SORCS1: variants seen among roughly 807,000 people sequenced by gnomAD.
SORCS1 encodes the protein VPS10 domain-containing receptor SorCS1.
Under a neutral mutation model 146.1 loss-of-function variants are expected in SORCS1, and 60 were observed. That is an observed-to-expected ratio of 0.41 (90% CI 0.33 to 0.51). The LOEUF is 0.51. SORCS1 is among the 20% of genes least tolerant of loss of function. The probability of loss-of-function intolerance (pLI) is 0.21; values close to 1 mark genes in which losing one functional copy is unlikely to be tolerated. For synonymous variants in SORCS1, 637 were observed against 584.0 expected (o/e 1.09, Z -1.31); for missense variants, 1,352 against 1,487.6 (o/e 0.91, Z 1.50).
intron 3 of SORCS1, among the ~76,000 whole-genome samples, chr10:106,801,192 T>G (rs1033638304): frequency 7.2e-5 from 11 of 152,130 alleles, no homozygotes; most frequent in Admixed American, 5.9e-4. Flanking sequence ...AATTTTCACA[T>G]ACTATCATAT....
chr10:106,761,989 A>G (rs1030814069), intron 4 of SORCS1, among the ~76,000 whole-genome samples: 2 of 152,242 alleles, frequency 1.3e-5, no homozygotes, highest in Non-Finnish European at 2.9e-5. Context: ...CACTTGACCT[A>G]GCATGTGCTG....
intron 8 of SORCS1, among the ~76,000 whole-genome samples, chr10:106,700,417 C>G (rs1353489498): frequency 6.6e-6 from 1 of 151,824 alleles, no homozygotes; most frequent in Non-Finnish European, 1.5e-5. Context: ...TTCCAAAAAC[C>G]AAAAAAATTA....
At chr10:106,833,798 A>G (rs1948668374) in intron 2 of SORCS1, among the ~76,000 whole-genome samples, 2 of 151,732 alleles carry the variant, frequency 1.3e-5, no homozygotes, top group Admixed American at 1.3e-4. Context: ...TATTATTATT[A>G]TTATTATTAT....
rs567505096 is a variant in SORCS1 at position 106,601,466 on chromosome 10, G to A, written c.3166-4016C>T. Among the ~76,000 whole-genome samples the A allele has an allele frequency of 5.9e-5, 9 of 152,264 alleles. No homozygotes were observed. The East Asian group carries it at 1.7e-3, about 29-fold the overall frequency. On this transcript the variant is annotated intron_variant, in intron 23 of 25. Coordinates refer to ENST00000263054, the MANE Select transcript of SORCS1 (RefSeq NM_052918.5). The stretch of plus-strand genomic sequence containing the variant: ...AAGTGCAACCTACATTTCATTTAAA[G>A]TCCCACTTAAAAGGACAGTGGAGGC...
chr10:107,120,680 A>G (rs1480350255), intron 1 of SORCS1, among the ~76,000 whole-genome samples: 2 of 152,224 alleles, frequency 1.3e-5, no homozygotes, highest in East Asian at 3.8e-4. Context: ...CCATGAAACC[A>G]AAGATGACTA....
chr10:106,699,213 C>A lies in SORCS1; in HGVS notation c.1413+1G>T. On this transcript the variant is annotated splice_donor_variant, in intron 9 of 25. Transcript: ENST00000263054. LOFTEE classifies it high-confidence loss of function. The stretch of plus-strand genomic sequence containing the variant: ...AGGACCACATATGCCTCGTGACATA[C>A]CTCATAGAGGTCGATCATGATGTTG... The A allele has an allele frequency of 6.2e-7, 1 of 1,609,172 alleles. No homozygotes were observed. The highest frequency in any genetic ancestry group is 8.5e-7 in the Non-Finnish European group (1 of 1,177,530).
chr10:106,912,049 C>T (rs1460791269), intron 2 of SORCS1, among the ~76,000 whole-genome samples: 1 of 149,050 alleles, frequency 6.7e-6, no homozygotes, highest in East Asian at 2.0e-4. Flanking sequence ...AGAGGTGGAG[C>T]TTACAGTGAG....
At chr10:107,082,696 C>T (rs886887775) in intron 1 of SORCS1, among the ~76,000 whole-genome samples, 13 of 152,040 alleles carry the variant, frequency 8.6e-5, no homozygotes, top group African/African-American at 2.9e-4. Context: ...TGGCCAGTCT[C>T]GAACTCCTGA....
chr10:106,675,166 TAA>T lies in SORCS1; in HGVS notation c.1833-12_1833-11del, dbSNP rs1851927985. ...TTCATCAAAACTCAACCTAATGATATAAAAAATATCAGTCATCAGATCTCCAA... is the reference window on the plus strand; with the variant it reads ...TTCATCAAAACTCAACCTAATGATATAAAATATCAGTCATCAGATCTCCAA... On this transcript the variant is annotated splice_polypyrimidine_tract_variant and intron_variant, in intron 13 of 25. Transcript: ENST00000263054. The T allele has an allele frequency of 2.5e-6, 4 of 1,594,030 alleles. No homozygotes were observed. The South Asian group carries it at 4.5e-5, about 18-fold the overall frequency.
intron 8 of SORCS1, among the ~76,000 whole-genome samples, chr10:106,705,756 C>G (rs1338232761): frequency 6.6e-6 from 1 of 152,188 alleles, no homozygotes; most frequent in Non-Finnish European, 1.5e-5. Context: ...TCAGTTTGAC[C>G]TCCACTAGGT....
chr10:107,160,347 C>A (rs1969607829), intron 1 of SORCS1, among the ~76,000 whole-genome samples: 1 of 152,142 alleles, frequency 6.6e-6, no homozygotes, highest in Non-Finnish European at 1.5e-5. Flanking sequence ...TTTGGCAATT[C>A]ATTTAGCCTC....
Position 107,023,358 on chromosome 10 carries a change from T to C in SORCS1, c.559-66778A>G, listed in dbSNP as rs543550078. ...GCTAATAACTTTTCTTTCATTTTTC[T>C]GCCACTCTGTCCCCAAACCACTTCT... On this transcript the variant is annotated intron_variant, in intron 1 of 25. Coordinates refer to ENST00000263054, the MANE Select transcript of SORCS1 (RefSeq NM_052918.5). 1.6e-3 allele frequency among the ~76,000 whole-genome samples: 240 copies of C among 152,342 alleles called. 2 individuals carry two copies. Among genetic ancestry groups the C allele is most frequent in the African/African-American group, 5.5e-3 (230 of 41,574 alleles).
chr10:106,657,073 C>A (rs1850350223), intron 17 of SORCS1, among the ~76,000 whole-genome samples: 1 of 152,152 alleles, frequency 6.6e-6, no homozygotes, highest in South Asian at 2.1e-4. Flanking sequence ...AAAATTAGAT[C>A]TACCATTCAA....
intron 2 of SORCS1, among the ~76,000 whole-genome samples, chr10:106,870,807 C>T (rs7919606): frequency 6.6e-6 from 1 of 152,000 alleles, no homozygotes. Flanking sequence ...GACACCAAAA[C>T]CTATTGCAAC....
chr10:106,805,927 G>A (rs1382341366), intron 3 of SORCS1, among the ~76,000 whole-genome samples: 1 of 150,648 alleles, frequency 6.6e-6, no homozygotes, highest in Non-Finnish European at 1.5e-5. Context: ...AGGCGTGGTG[G>A]CAGGTGCCTG....
rs140518370 is a variant in SORCS1, at chr10:106,720,339, A to T, written c.1024+9711T>A. Among the ~76,000 whole-genome samples, 284 of 152,144 alleles carry T rather than the reference A, an allele frequency of 1.9e-3. 2 individuals carry two copies. Among genetic ancestry groups the T allele is most frequent in the Middle Eastern group, 3.4e-3 (1 of 294 alleles). ...TAAATCCTAACTCTGAAACAATGGAAAAAACACTTAATCTTTGTAAGCCCC... is the reference window on the plus strand; with the variant it reads ...TAAATCCTAACTCTGAAACAATGGATAAAACACTTAATCTTTGTAAGCCCC... On this transcript the variant is annotated intron_variant, in intron 6 of 25. Coordinates refer to ENST00000263054, the MANE Select transcript of SORCS1 (RefSeq NM_052918.5).
chr10:106,589,725 C>A (rs972340394), intron 24 of SORCS1, among the ~76,000 whole-genome samples: 11 of 150,802 alleles, frequency 7.3e-5, no homozygotes, highest in African/African-American at 2.4e-4. Flanking sequence ...AAACAAGCTC[C>A]ACCTCCCAGG....
At chr10:106,689,881 T>C (rs1853164478) in intron 9 of SORCS1, among the ~76,000 whole-genome samples, 1 of 152,242 alleles carries the variant, frequency 6.6e-6, no homozygotes, top group Non-Finnish European at 1.5e-5. Flanking sequence ...AGTGTGTACC[T>C]GCTGATCTGG....
intron 2 of SORCS1, among the ~76,000 whole-genome samples, chr10:106,834,185 C>T (rs1948686887): frequency 6.6e-6 from 1 of 152,180 alleles, no homozygotes; most frequent in Admixed American, 6.5e-5. Context: ...GAGCTGTAGT[C>T]TCCTATGGAC....
Sources: allele counts gnomAD v4.1 joint callset (sites outside exome capture counted in the v4.1 genomes callset), GRCh38; gene constraint gnomAD v4.1.1; transcripts MANE v1.5; gene names NCBI Gene and HGNC (gene_info 2026-07-23, HGNC 2026-07-21).